CFAP20DC: variants seen among roughly 807,000 people sequenced by gnomAD.
CFAP20DC encodes the protein CFAP20 domain containing, also known as protein CFAP20DC.
CFAP20DC carries 84 observed loss-of-function variants against 101.7 expected under a neutral mutation model. The observed-to-expected ratio is 0.83, with a 90% CI of 0.69 to 0.99. The LOEUF is 0.99. Among genes scored for constraint, CFAP20DC ranks in the 50% least tolerant of loss-of-function variants. The pLI is 0.00. For synonymous variants in CFAP20DC, 359 were observed against 351.2 expected (o/e 1.02, Z -0.25); for missense variants, 1,007 against 970.3 (o/e 1.04, Z -0.50).
chr3:58,856,666 G>T (rs2078858208), intron 12 of CFAP20DC, among the ~76,000 whole-genome samples: 1 of 152,156 alleles, frequency 6.6e-6, no homozygotes, highest in South Asian at 2.1e-4. Context: ...TAATAGAGTG[G>T]TGACTCTTGC....
chr3:59,025,959 CAT>C (rs1576761261), intron 4 of CFAP20DC, among the ~76,000 whole-genome samples: 1 of 151,740 alleles, frequency 6.6e-6, no homozygotes, highest in Non-Finnish European at 1.5e-5. Context: ...TTTTCATAAA[CAT>C]ATGTTTAATA....
At chr3:58,888,598 TC>T (rs2081871038) in intron 6 of CFAP20DC, among the ~76,000 whole-genome samples, 1 of 152,118 alleles carries the variant, frequency 6.6e-6, no homozygotes, top group Admixed American at 6.5e-5. Flanking sequence ...TGTGTTATCC[TC>T]CCTCCATGTG....
rs1354660362 is a variant in CFAP20DC, at chr3:58,816,289, C to G, written c.2176-9833G>C. On this transcript the variant is annotated intron_variant, in intron 14 of 16. Transcript: ENST00000482387. ...AAAACCAAACACCGCGGGGAGGAGC[C>G]AAGATGGCCGAATAGGAACAGCTCT... Among the ~76,000 whole-genome samples the G allele has an allele frequency of 2.0e-5, 3 of 152,102 alleles. 1 individual carries two copies.
At position 58,940,793 on chromosome 3, in the gene CFAP20DC, A is replaced by G. The variant is rs138324887; in HGVS notation, c.279-3031T>C. On this transcript the variant is annotated intron_variant, in intron 4 of 16. Coordinates refer to ENST00000482387, the MANE Select transcript of CFAP20DC (RefSeq NM_001394063.1). ...TTCATATAGATTTTAGAATCCATTT[A>G]TCATTTTCTATTAAAAAGAAGTGTT... 1.2e-4 allele frequency among the ~76,000 whole-genome samples: 19 copies of G among 152,292 alleles called. No homozygotes were observed. The East Asian group carries it at 3.1e-3, about 25-fold the overall frequency.
chr3:58,856,192 T>A (rs1344330140), intron 12 of CFAP20DC, among the ~76,000 whole-genome samples: 5 of 151,078 alleles, frequency 3.3e-5, no homozygotes, highest in Non-Finnish European at 5.9e-5. Context: ...TTGTTAAGGA[T>A]CTTTTATAAA....
chr3:58,900,601 C>G (rs2083062410), intron 6 of CFAP20DC, among the ~76,000 whole-genome samples: 1 of 152,188 alleles, frequency 6.6e-6, no homozygotes, highest in African/African-American at 2.4e-5. Flanking sequence ...ATCTAAACTG[C>G]TTTTGCTAAC....
chr3:59,003,957 T>G (rs1324403531), intron 4 of CFAP20DC, among the ~76,000 whole-genome samples: 1 of 152,200 alleles, frequency 6.6e-6, no homozygotes, highest in Non-Finnish European at 1.5e-5. Flanking sequence ...TAATGGACAC[T>G]CTTCTCTTTG....
intron 16 of CFAP20DC, among the ~76,000 whole-genome samples, chr3:58,751,288 A>G (rs548624915): frequency 6.6e-6 from 1 of 152,340 alleles, no homozygotes; most frequent in African/African-American, 2.4e-5. Context: ...ATTATGTTAG[A>G]AGGTGAAGTG....
At chr3:58,907,161 A>G (rs2083683558) in intron 6 of CFAP20DC, among the ~76,000 whole-genome samples, 1 of 151,982 alleles carries the variant, frequency 6.6e-6, no homozygotes, top group Admixed American at 6.6e-5. Context: ...ATTTAATGAA[A>G]CAATCAGAAT....
At chr3:58,735,025 T>TA (rs1351431132) in intron 3 of CFAP20DC, among the ~76,000 whole-genome samples, 18 of 152,324 alleles carry the variant, frequency 1.2e-4, no homozygotes, top group Admixed American at 8.5e-4. Flanking sequence ...CACCAGGGGC[T>TA]ACTATAAATG....
chr3:58,814,655 A>G (rs1349933803), intron 14 of CFAP20DC, among the ~76,000 whole-genome samples: 1 of 151,144 alleles, frequency 6.6e-6, no homozygotes, highest in Non-Finnish European at 1.5e-5. Flanking sequence ...CAACTTCAGC[A>G]AAGTCTCAGG....
rs572127938 is a variant in CFAP20DC at position 58,778,277 on chromosome 3, A to T, written c.2238-24414T>A. On this transcript the variant is annotated intron_variant, in intron 15 of 16. Transcript: ENST00000482387. ...ATCACTGTGGAGGGCCTGAGGGCAGATCTTCCCAGCCTGGCTTTACAACCC... is the reference window on the plus strand; with the variant it reads ...ATCACTGTGGAGGGCCTGAGGGCAGTTCTTCCCAGCCTGGCTTTACAACCC... 6.6e-5 allele frequency among the ~76,000 whole-genome samples: 10 copies of T among 152,284 alleles called. No individual in the cohort carries two copies. The South Asian group carries it at 2.1e-3, about 32-fold the overall frequency.
intron 16 of CFAP20DC, among the ~76,000 whole-genome samples, chr3:58,743,762 A>C (rs1006702720): frequency 2.6e-5 from 4 of 152,206 alleles, no homozygotes; most frequent in Non-Finnish European, 4.4e-5. Flanking sequence ...TACTCAGCCA[A>C]AATCAGACCA....
Position 58,732,499 on chromosome 3 carries a change from A to G in CFAP20DC, c.198-14871T>C, listed in dbSNP as rs975511301. 2.0e-5 allele frequency among the ~76,000 whole-genome samples: 3 copies of G among 152,220 alleles called. No homozygotes were observed. The highest frequency in any genetic ancestry group is 7.2e-5 in the African/African-American group (3 of 41,458). On this transcript the variant is annotated intron_variant, in intron 3 of 3. Coordinates refer to the CFAP20DC transcript ENST00000486145. The surrounding 1 kb of genome is among the most constrained non-coding windows in gnomAD (Gnocchi z 5.4). ...TTTATCATTTCACGTGGATGAAATT[A>G]TAACTTTCAGAAAGCATTATAATAA...
At chr3:58,886,214 A>G (rs983353701) in intron 6 of CFAP20DC, among the ~76,000 whole-genome samples, 6 of 152,164 alleles carry the variant, frequency 3.9e-5, no homozygotes, top group African/African-American at 7.2e-5. Flanking sequence ...CTATGCAAAT[A>G]AGCGTTTATA....
chr3:58,982,371 A>G (rs892182503), intron 4 of CFAP20DC, among the ~76,000 whole-genome samples: 1 of 152,206 alleles, frequency 6.6e-6, no homozygotes, highest in East Asian at 1.9e-4. Flanking sequence ...GTATATACCC[A>G]AAGGATTAGA....
chr3:58,966,310 T>C (rs966806583), intron 4 of CFAP20DC, among the ~76,000 whole-genome samples: 1 of 152,198 alleles, frequency 6.6e-6, no homozygotes, highest in Non-Finnish European at 1.5e-5. Context: ...GACCACTATG[T>C]CCTTATTTGA....
rs1011214850 is a variant in CFAP20DC, at chr3:59,001,590, T to A, written c.278+37967A>T. ...CCACGCCCAGCTAATTTTGTATTTT[T>A]AGTAGAGATGGGGTTTCTCCATGTT... is the stretch of plus-strand genomic sequence containing the variant. On this transcript the variant is annotated intron_variant, in intron 4 of 16. Transcript: ENST00000482387. This position sits in a 1 kb window ranked among gnomAD's most constrained non-coding sequence, Gnocchi z 4.5. Among the ~76,000 whole-genome samples, 1 of 152,180 alleles carries A rather than the reference T, an allele frequency of 6.6e-6. No individual in the cohort carries two copies.
intron 12 of CFAP20DC, among the ~76,000 whole-genome samples, chr3:58,852,744 T>C (rs2078369759): frequency 6.6e-6 from 1 of 151,242 alleles, no homozygotes; most frequent in Non-Finnish European, 1.5e-5. Flanking sequence ...ACTGGGTACA[T>C]AACGAAATGA....
Sources: allele counts gnomAD v4.1 joint callset (sites outside exome capture counted in the v4.1 genomes callset), GRCh38; gene constraint gnomAD v4.1.1; non-coding constraint Gnocchi (gnomAD v3.1); transcripts MANE v1.5; gene names NCBI Gene and HGNC (gene_info 2026-07-23, HGNC 2026-07-21).